ECI2: variants seen among roughly 807,000 people sequenced by gnomAD.
ECI2 encodes the protein D3,D2-enoyl-CoA isomerase.
A neutral mutation model predicts 38.4 loss-of-function variants in ECI2; 27 were observed. The observed-to-expected ratio is 0.70, with a 90% CI of 0.52 to 0.97. The LOEUF (loss-of-function observed/expected upper bound fraction) is 0.97. Ranked by LOEUF, ECI2 falls within the 50% of genes least tolerant of loss-of-function variation. ECI2 has a pLI of 0.00. For missense variants in ECI2, 470 were observed against 474.4 expected (o/e 0.99, Z 0.09); for synonymous variants, 168 against 172.0 (o/e 0.98, Z 0.18).
At chr6:4,119,128 C>A in intron 8 of ECI2, 58 bp downstream of exon 8, 2 of 1,042,466 alleles carry the variant, frequency 1.9e-6, no homozygotes, top group African/African-American at 1.7e-5. Flanking sequence ...TGAGATTACT[C>A]TTCCTTCTTT....
At chr6:4,125,657 G>A (rs1198850802) in intron 6 of ECI2, 8 of 464,698 alleles carry the variant, frequency 1.7e-5, no homozygotes, top group Middle Eastern at 4.8e-4. Context: ...TAAACCAGCC[G>A]CAGTCTTAGA....
intron 4 of ECI2, 29 bp from the exon 5 acceptor site, chr6:4,127,860 A>C (rs1160506133): frequency 1.3e-6 from 2 of 1,595,902 alleles, no homozygotes; most frequent in Non-Finnish European, 1.7e-6. Context: ...AGGAAAAGAA[A>C]AGAACTCTGA....
intron 8 of ECI2, chr6:4,117,663 C>T: frequency 2.0e-6 from 1 of 506,484 alleles, no homozygotes; most frequent in Non-Finnish European, 3.3e-6. Context: ...AGGGCTGCTG[C>T]TTCTGTGTAT....
chr6:4,132,712 C>T lies in ECI2; in HGVS notation c.213+837G>A, dbSNP rs541185865. 2.0e-5 allele frequency among the ~76,000 whole-genome samples: 3 copies of T among 152,300 alleles called. No individual in the cohort carries two copies. The South Asian group carries it at 6.2e-4, about 32-fold the overall frequency. ...ACTATAATGAATTCCCAATACCCAT[C>T]ATCCAGGTTCAACAATTATCAAACT... On this transcript the variant is annotated intron_variant, in intron 2 of 9. Coordinates refer to ENST00000380118, the MANE Select transcript of ECI2 (RefSeq NM_206836.3).
intron 7 of ECI2, 58 bp from the exon 8 acceptor site, chr6:4,119,333 T>C: frequency 7.1e-7 from 1 of 1,402,870 alleles, no homozygotes; most frequent in Non-Finnish European, 9.8e-7. Flanking sequence ...TTTTTTTTTT[T>C]TTTGAGACAA....
chr6:4,130,668 A>C, intron 3 of ECI2, 99 bp downstream of exon 3: 1 of 1,599,986 alleles, frequency 6.3e-7, no homozygotes, highest in Non-Finnish European at 8.6e-7. Context: ...GAATAGAAGC[A>C]CATCAAGATC....
rs1772219057 is a variant in ECI2 at position 4,115,804 on chromosome 6, T to C, written c.*70A>G. 3 of 1,547,724 alleles carry C rather than the reference T, an allele frequency of 1.9e-6. No individual in the cohort carries two copies. The South Asian group carries it at 3.8e-5, about 20-fold the overall frequency. On this transcript the variant is annotated 3_prime_UTR_variant, in exon 10 of 10. Transcript: ENST00000380118. ...AAAAGGCACAATGAAGCTTATTTAG[T>C]TCCAGTACTGGAAATCAGAGGTAAC...
chr6:4,132,572 G>T (rs995237389), intron 2 of ECI2, among the ~76,000 whole-genome samples: 2 of 152,168 alleles, frequency 1.3e-5, no homozygotes, highest in African/African-American at 2.4e-5. Flanking sequence ...CAGAAAAATA[G>T]ATAACACAGG....
At chr6:4,120,248 A>C (rs1772616363) in intron 7 of ECI2, among the ~76,000 whole-genome samples, 2 of 152,170 alleles carry the variant, frequency 1.3e-5, no homozygotes, top group African/African-American at 4.8e-5. Flanking sequence ...ATAATTAGGC[A>C]ATTTTGTCAT....
chr6:4,125,973 C>T (rs1041992056), intron 6 of ECI2, 162 bp downstream of exon 6: 33 of 694,660 alleles, frequency 4.8e-5, no homozygotes, highest in Non-Finnish European at 8.1e-5. Context: ...AGAATGAATG[C>T]CCACCTATGG....
chr6:4,115,867 G>C lies in ECI2; in HGVS notation c.*7C>G, dbSNP rs751262940. Reference sequence around the variant, plus strand: ...CTTGGACATGCTTTACTCTGCTGTAGTGGTCATCACAGTTTTGATTTTCTG... The same window carrying C: ...CTTGGACATGCTTTACTCTGCTGTACTGGTCATCACAGTTTTGATTTTCTG... On this transcript the variant is annotated 3_prime_UTR_variant, in exon 10 of 10. Transcript: ENST00000380118. 6.2e-7 allele frequency: 1 copy of C among 1,609,336 alleles called. No individual in the cohort carries two copies. Among genetic ancestry groups the C allele is most frequent in the Non-Finnish European group, 8.5e-7 (1 of 1,177,844 alleles).
At chr6:4,123,073 A>T (rs919775484) in intron 7 of ECI2, among the ~76,000 whole-genome samples, 1 of 152,224 alleles carries the variant, frequency 6.6e-6, no homozygotes, top group African/African-American at 2.4e-5. Flanking sequence ...TTAACCCATC[A>T]TTTAATATGA....
At chr6:4,135,398 C>G in intron 1 of ECI2, 113 bp downstream of exon 1, 1 of 1,573,690 alleles carries the variant, frequency 6.4e-7, no homozygotes, top group Non-Finnish European at 8.6e-7. Flanking sequence ...AAGCAAAATC[C>G]TGTTGCCACC....
rs1773060995 is a variant in ECI2 at position 4,125,173 on chromosome 6, G to GC, written c.795+76dup. 7 of 1,575,148 alleles carry GC rather than the reference G, an allele frequency of 4.4e-6. No homozygotes were observed. In the South Asian group the frequency reaches 8.0e-5, roughly 18 times the overall value. Reference sequence around the variant, plus strand: ...ACAACATGTAACCTGCTTATGACTGGCAACGCTGAAGGAGGATTCAAAGGC... The same window carrying GC: ...ACAACATGTAACCTGCTTATGACTGGCCAACGCTGAAGGAGGATTCAAAGGC... On this transcript the variant is annotated intron_variant, in intron 7 of 9. Transcript: ENST00000380118.
At position 4,122,167 on chromosome 6, in the gene ECI2, T is replaced by C. The variant is rs1000848462; in HGVS notation, c.796-2892A>G. On this transcript the variant is annotated intron_variant, in intron 7 of 9. Coordinates refer to ENST00000380118, the MANE Select transcript of ECI2 (RefSeq NM_206836.3). The stretch of plus-strand genomic sequence containing the variant: ...TACTTAGGGACGTTGGGAAAGTTTC[T>C]TACCCTCTCTGTACCACAGTTTTCT... The C allele has an allele frequency of 1.8e-5, 9 of 507,716 alleles. No individual in the cohort carries two copies. In the Admixed American group the frequency reaches 2.7e-4, roughly 15 times the overall value. The allele number at this position is 507,716 out of a possible 1,614,324, so 31.5% of individuals were successfully genotyped here.
At chr6:4,117,756 T>C (rs1772380280) in intron 8 of ECI2, 1 of 242,586 alleles carries the variant, frequency 4.1e-6, no homozygotes, top group Admixed American at 5.4e-5. Flanking sequence ...ACAGCAGCTA[T>C]GATTTTCCAT....
In ECI2 at chr6:4,126,178, C is replaced by G; in HGVS notation, c.631G>C (p.Gly211Arg). Residue 211 changes from glycine (G) to arginine (R), a missense_variant, in exon 6 of 10, where the codon GGT (glycine) becomes CGT (arginine). Transcript: ENST00000380118. ...DLTNFTDIPP[G>R]GVEEKAKNNA... ...TTTTTAGCTTTCTCCTCTACTCCAC[C>G]AGGGGGAATATCAGTGAAGTTAGTC... The G allele has an allele frequency of 1.2e-6, 2 of 1,613,948 alleles. No homozygotes were observed. The highest frequency in any genetic ancestry group is 1.7e-6 in the Non-Finnish European group (2 of 1,179,972).
chr6:4,116,690 C>G (rs997165846), intron 9 of ECI2, among the ~76,000 whole-genome samples: 1 of 152,098 alleles, frequency 6.6e-6, no homozygotes. Context: ...GTGATCTGCC[C>G]TTCTTGGCCT....
chr6:4,124,937 C>A, intron 7 of ECI2: 1 of 467,688 alleles, frequency 2.1e-6, no homozygotes, highest in Non-Finnish European at 4.3e-6. Flanking sequence ...TGCTATTCCT[C>A]CCTCCCATAA....
Sources: allele counts gnomAD v4.1 joint callset (sites outside exome capture counted in the v4.1 genomes callset), GRCh38; gene constraint gnomAD v4.1.1; transcripts MANE v1.5; gene names NCBI Gene and HGNC (gene_info 2026-07-23, HGNC 2026-07-21).